Variants in CTNNA2 observed in about 807,000 individuals in gnomAD.
CTNNA2 encodes the protein catenin alpha 2.
In CTNNA2, 42 loss-of-function variants were observed where a neutral mutation model predicts 101.0. The observed-to-expected ratio is 0.42, with a 90% CI of 0.32 to 0.54. CTNNA2 has a LOEUF of 0.54. Among genes scored for constraint, CTNNA2 ranks in the 20% least tolerant of loss-of-function variants. The pLI, the probability that CTNNA2 is intolerant of heterozygous loss-of-function variation, is 0.14. For synonymous variants in CTNNA2, 450 were observed against 456.4 expected (o/e 0.99, Z 0.18); for missense variants, 871 against 1,223.1 (o/e 0.71, Z 4.29).
intron 3 of CTNNA2, among the ~76,000 whole-genome samples, chr2:79,328,113 A>G (rs956347013): frequency 6.6e-6 from 1 of 152,300 alleles, no homozygotes; most frequent in East Asian, 1.9e-4. Context: ...CCCACTATGT[A>G]TCTCCTTAAA....
chr2:79,425,915 A>C (rs1413810027), intron 4 of CTNNA2, among the ~76,000 whole-genome samples: 2 of 152,174 alleles, frequency 1.3e-5, no homozygotes, highest in Non-Finnish European at 2.9e-5. Flanking sequence ...TTTCTATCAA[A>C]TGAATAACAC....
At chr2:79,784,312 C>CTAA (rs1674675679) in intron 3 of CTNNA2, among the ~76,000 whole-genome samples, 1 of 151,872 alleles carries the variant, frequency 6.6e-6, no homozygotes, top group Non-Finnish European at 1.5e-5. Flanking sequence ...CTCTAAAGGC[C>CTAA]GTAGTTCCCC....
At chr2:80,562,457 C>A (rs994878387) in intron 12 of CTNNA2, among the ~76,000 whole-genome samples, 1 of 152,100 alleles carries the variant, frequency 6.6e-6, no homozygotes, top group Non-Finnish European at 1.5e-5. Flanking sequence ...TCCAAAAGTT[C>A]TATAATATAT....
intron 18 of CTNNA2, among the ~76,000 whole-genome samples, chr2:80,643,402 A>G (rs903987445): frequency 6.6e-6 from 1 of 152,204 alleles, no homozygotes; most frequent in African/African-American, 2.4e-5. Flanking sequence ...ATAGAATGAA[A>G]TAAACGAAAC....
At chr2:80,569,943 A>G (rs988830809) in intron 12 of CTNNA2, among the ~76,000 whole-genome samples, 1 of 151,734 alleles carries the variant, frequency 6.6e-6, no homozygotes, top group Admixed American at 6.6e-5. Context: ...CGCCTGGCCT[A>G]GATTTTTTAG....
intron 9 of CTNNA2, among the ~76,000 whole-genome samples, chr2:80,467,806 T>C (rs59527500): frequency 0.063 from 9,550 of 152,098 alleles, 989 homozygotes; most frequent in African/African-American, 0.21. Flanking sequence ...TGAGGGAGCT[T>C]GTTTGCCCCT....
At chr2:79,839,974 C>T (rs769228741) in intron 3 of CTNNA2, among the ~76,000 whole-genome samples, 2 of 152,250 alleles carry the variant, frequency 1.3e-5, no homozygotes, top group African/African-American at 4.8e-5. Context: ...GAAAAGGGTT[C>T]GTTTTCCTTT....
At chr2:79,829,409 A>T (rs901959237) in intron 3 of CTNNA2, among the ~76,000 whole-genome samples, 1 of 135,408 alleles carries the variant, frequency 7.4e-6, no homozygotes, top group Non-Finnish European at 1.6e-5. Flanking sequence ...ACACACACAC[A>T]CACACAGACA....
At chr2:80,468,567 G>A (rs1038299366) in intron 9 of CTNNA2, among the ~76,000 whole-genome samples, 2 of 152,058 alleles carry the variant, frequency 1.3e-5, no homozygotes, top group African/African-American at 4.8e-5. Context: ...ACAGGCGCCT[G>A]CCACCATGCC....
intron 2 of CTNNA2, among the ~76,000 whole-genome samples, chr2:79,719,261 T>C (rs1454093987): frequency 1.3e-5 from 2 of 152,148 alleles, no homozygotes; most frequent in Admixed American, 1.3e-4. Flanking sequence ...TTTTTATGAC[T>C]ATATAATATT....
intron 7 of CTNNA2, among the ~76,000 whole-genome samples, chr2:80,127,192 G>A (rs1187106640): frequency 3.9e-5 from 6 of 152,126 alleles, no homozygotes; most frequent in Admixed American, 3.3e-4. Flanking sequence ...CAACTTTATA[G>A]CCAGTCTTTA....
chr2:80,464,292 C>T (rs950223151), intron 9 of CTNNA2, among the ~76,000 whole-genome samples: 23 of 152,148 alleles, frequency 1.5e-4, no homozygotes, highest in Non-Finnish European at 2.9e-4. Flanking sequence ...AAATAATTTA[C>T]GGGTTCTTGA....
At chr2:80,376,303 TTCTA>T (rs1279847251) in intron 7 of CTNNA2, among the ~76,000 whole-genome samples, 2 of 152,170 alleles carry the variant, frequency 1.3e-5, no homozygotes, top group Non-Finnish European at 2.9e-5. Flanking sequence ...TGCCTTTCTA[TTCTA>T]TCTGTTTAGG....
chr2:80,366,700 T>G (rs1207311495), intron 7 of CTNNA2, among the ~76,000 whole-genome samples: 1 of 152,154 alleles, frequency 6.6e-6, no homozygotes, highest in Non-Finnish European at 1.5e-5. Context: ...GTTGTTGCAG[T>G]GTGTCAAATC....
intron 7 of CTNNA2, among the ~76,000 whole-genome samples, chr2:80,363,916 G>A (rs1674658820): frequency 6.6e-6 from 1 of 152,040 alleles, no homozygotes; most frequent in African/African-American, 2.4e-5. Context: ...CCATTCCTGT[G>A]CTACACTTGT....
chr2:79,601,986 T>G (rs1677583630), intron 1 of CTNNA2, among the ~76,000 whole-genome samples: 1 of 152,208 alleles, frequency 6.6e-6, no homozygotes. Context: ...ACAAAGCCTG[T>G]TTTTAAAATA....
intron 3 of CTNNA2, among the ~76,000 whole-genome samples, chr2:79,827,187 C>T (rs995600523): frequency 3.3e-5 from 5 of 151,966 alleles, no homozygotes; most frequent in South Asian, 2.1e-4. Flanking sequence ...TACAGGCGCC[C>T]GCCACCACGC....
chr2:79,594,677 A>G (rs1677075007), intron 1 of CTNNA2, among the ~76,000 whole-genome samples: 1 of 152,136 alleles, frequency 6.6e-6, no homozygotes, highest in Non-Finnish European at 1.5e-5. Flanking sequence ...GAAATGATAC[A>G]TTAAGAGGGC....
intron 1 of CTNNA2, among the ~76,000 whole-genome samples, chr2:79,553,246 G>T (rs1210804420): frequency 6.6e-6 from 1 of 152,022 alleles, no homozygotes; most frequent in Non-Finnish European, 1.5e-5. Context: ...CATCAGCTTG[G>T]CCATCTCTGT....
Sources: gnomAD v4.1 joint callset for allele counts (sites outside exome capture counted in the v4.1 genomes callset) on GRCh38, gnomAD v4.1.1 for gene constraint, MANE v1.5 for transcripts, NCBI Gene and HGNC (gene_info 2026-07-23, HGNC 2026-07-21) for gene names.